The following HRH2 variants were observed in gnomAD, a reference collection of about 807,000 sequenced individuals.
HRH2 encodes the protein histamine receptor H2.
A neutral mutation model predicts 20.1 loss-of-function variants in HRH2; 4 were observed. The observed-to-expected ratio is 0.20, with a 90% CI of 0.10 to 0.45. The LOEUF is 0.45. HRH2 is among the 20% of genes least tolerant of loss of function. HRH2 has a pLI of 0.99. For missense variants in HRH2, 250 were observed against 461.6 expected (o/e 0.54, Z 4.20); for synonymous variants, 197 against 200.7 (o/e 0.98, Z 0.16).
Position 175,685,766 on chromosome 5 carries a change from T to C in HRH2, c.1076+1457T>C, listed in dbSNP as rs147393183. 1,640 of 523,292 alleles carry C rather than the reference T, an allele frequency of 3.1e-3. 26 individuals carry two copies. The highest frequency in any genetic ancestry group is 0.028 in the African/African-American group (1,473 of 52,082). 32.4% of individuals were successfully genotyped at this position (523,292 alleles called of 1,614,324 possible). On this transcript the variant is annotated intron_variant, in intron 2 of 2. Transcript: ENST00000636584. The stretch of plus-strand genomic sequence containing the variant: ...CATGAGCGAAGGGACATGAACATGC[T>C]CTGCCATCTCCCAATAGGACATAAG...
At chr5:175,663,226 G>A (rs1762788231) in intron 1 of HRH2, among the ~76,000 whole-genome samples, 2 of 152,126 alleles carry the variant, frequency 1.3e-5, no homozygotes, top group South Asian at 4.1e-4. Flanking sequence ...GCTTTGACTT[G>A]GCGCCTGTTT....
intron 1 of HRH2, among the ~76,000 whole-genome samples, chr5:175,665,705 TC>T (rs1762868334): frequency 6.6e-6 from 1 of 152,154 alleles, no homozygotes; most frequent in Non-Finnish European, 1.5e-5. Flanking sequence ...GAAGGCAGAT[TC>T]CCCCAAACAA....
chr5:175,698,145 G>A (rs1352201292), intron 2 of HRH2, among the ~76,000 whole-genome samples: 14 of 152,232 alleles, frequency 9.2e-5, no homozygotes, highest in South Asian at 2.1e-4. Context: ...GCACACGCTC[G>A]CTTACAGGCT....
At chr5:175,673,663 C>T (rs943950756) in intron 1 of HRH2, among the ~76,000 whole-genome samples, 2 of 150,966 alleles carry the variant, frequency 1.3e-5, no homozygotes, top group Admixed American at 1.3e-4. Flanking sequence ...CACTGTAACA[C>T]GGTGCATTGT....
Position 175,693,827 on chromosome 5 carries a change from T to A in HRH2, c.1076+9518T>A, listed in dbSNP as rs992285577. The stretch of plus-strand genomic sequence containing the variant: ...CGCTTTTGTTCCACCTGGTGTTCGT[T>A]CCTGAACAGGCTGCACATCTCTCCC... On this transcript the variant is annotated intron_variant, in intron 2 of 2. Coordinates refer to ENST00000636584, the MANE Select transcript of HRH2 (RefSeq NM_001367711.1). This position sits in a 1 kb window ranked among gnomAD's most constrained non-coding sequence, Gnocchi z 4.4. 2.0e-5 allele frequency among the ~76,000 whole-genome samples: 3 copies of A among 152,132 alleles called. No individual in the cohort carries two copies. Among genetic ancestry groups the A allele is most frequent in the Non-Finnish European group, 4.4e-5 (3 of 68,016 alleles).
chr5:175,681,539 T>C lies in HRH2; in HGVS notation c.-525-1170T>C, dbSNP rs1431216985. ...GGGCGTGGAACAGGGCCTCAGCTTG[T>C]TTCTCGCCAGTTGGAATCATATACA... is the stretch of plus-strand genomic sequence containing the variant. On this transcript the variant is annotated intron_variant, in intron 1 of 2. Coordinates refer to ENST00000636584, the MANE Select transcript of HRH2 (RefSeq NM_001367711.1). This position sits in a 1 kb window ranked among gnomAD's most constrained non-coding sequence, Gnocchi z 4.3. Among the ~76,000 whole-genome samples the C allele has an allele frequency of 6.6e-6, 1 of 152,160 alleles. No individual in the cohort carries two copies. Among genetic ancestry groups the C allele is most frequent in the Admixed American group, 6.5e-5 (1 of 15,280 alleles).
At chr5:175,692,890 T>C (rs1756434931) in intron 2 of HRH2, among the ~76,000 whole-genome samples, 1 of 152,128 alleles carries the variant, frequency 6.6e-6, no homozygotes, top group Admixed American at 6.5e-5. Context: ...TACTAATGAG[T>C]CGCTCAAAGT....
chr5:175,667,385 A>G (rs1762932680), intron 1 of HRH2, among the ~76,000 whole-genome samples: 1 of 152,102 alleles, frequency 6.6e-6, no homozygotes, highest in Non-Finnish European at 1.5e-5. Flanking sequence ...TGAAGGTTGC[A>G]GTGAGCCAAG....
chr5:175,703,607 T>C (rs1371035245), intron 2 of HRH2, among the ~76,000 whole-genome samples: 3 of 152,102 alleles, frequency 2.0e-5, no homozygotes, highest in African/African-American at 7.2e-5. Context: ...AAAGATTTAA[T>C]AATGAGAAGA....
chr5:175,701,469 G>A lies in HRH2; in HGVS notation c.1077-6310G>A, dbSNP rs552278289. ...TTTGTCTTTCTCCAACTTTCAACTC[G>A]GCTTCCCGCTCGGATTGCCGCTGTA... is the stretch of plus-strand genomic sequence containing the variant. On this transcript the variant is annotated intron_variant, in intron 2 of 2. Coordinates refer to ENST00000636584, the MANE Select transcript of HRH2 (RefSeq NM_001367711.1). Among the ~76,000 whole-genome samples, 5 of 152,220 alleles carry A rather than the reference G, an allele frequency of 3.3e-5. No individual in the cohort carries two copies. The South Asian group carries it at 6.2e-4, about 19-fold the overall frequency.
At chr5:175,685,027 G>T (rs1457766210) in intron 2 of HRH2, among the ~76,000 whole-genome samples, 1 of 152,132 alleles carries the variant, frequency 6.6e-6, no homozygotes, top group Non-Finnish European at 1.5e-5. Flanking sequence ...GGGGGTTGTG[G>T]CACTGACTCA....
chr5:175,672,218 C>A (rs559628372), intron 1 of HRH2, among the ~76,000 whole-genome samples: 1 of 152,312 alleles, frequency 6.6e-6, no homozygotes, highest in South Asian at 2.1e-4. Context: ...ATCCGGATTC[C>A]CAGCCCAGTG....
chr5:175,663,154 A>G (rs1010588641), intron 1 of HRH2, among the ~76,000 whole-genome samples: 7 of 152,170 alleles, frequency 4.6e-5, no homozygotes, highest in African/African-American at 1.4e-4. Flanking sequence ...GGGGAGACAT[A>G]TATTTTCATT....
At chr5:175,703,727 C>T (rs10079518) in intron 2 of HRH2, among the ~76,000 whole-genome samples, 30,207 of 151,954 alleles carry the variant, frequency 0.2, 5,355 homozygotes, top group African/African-American at 0.48. Flanking sequence ...GATATTAATA[C>T]AGATGTTGCA....
At chr5:175,703,713 G>A (rs1197819717) in intron 2 of HRH2, among the ~76,000 whole-genome samples, 1 of 151,972 alleles carries the variant, frequency 6.6e-6, no homozygotes, top group Non-Finnish European at 1.5e-5. Flanking sequence ...AATAATAAAG[G>A]GGAGATATTA....
rs569679056 is a variant in HRH2 at position 175,664,933 on chromosome 5, C to A, written c.-526+6778C>A. On this transcript the variant is annotated intron_variant, in intron 1 of 2. Coordinates refer to ENST00000636584, the MANE Select transcript of HRH2 (RefSeq NM_001367711.1). Reference sequence around the variant, plus strand: ...GATTACAGGCGTGAGCCACCGCACACGGCCCGCACAAAAGGATTTTCAGCT... The same window carrying A: ...GATTACAGGCGTGAGCCACCGCACAAGGCCCGCACAAAAGGATTTTCAGCT... Among the ~76,000 whole-genome samples, 13 of 152,342 alleles carry A rather than the reference C, an allele frequency of 8.5e-5. No individual in the cohort carries two copies. In the East Asian group the frequency reaches 1.7e-3, roughly 20 times the overall value.
chr5:175,692,401 G>A (rs558891146), intron 2 of HRH2, among the ~76,000 whole-genome samples: 7 of 152,352 alleles, frequency 4.6e-5, no homozygotes, highest in South Asian at 2.1e-4. Flanking sequence ...CAACCCTGGC[G>A]TGGGGGAAGA....
chr5:175,685,833 C>T (rs770047549), intron 2 of HRH2: 8 of 287,500 alleles, frequency 2.8e-5, no homozygotes, highest in Admixed American at 5.1e-5. Flanking sequence ...GAAAAGCTTG[C>T]GTGGATATTG....
At position 175,664,719 on chromosome 5, in the gene HRH2, C is replaced by T. The variant is rs535643644; in HGVS notation, c.-526+6564C>T. ...GCGAATTCACGGCTCACTGCAGCCT[C>T]GACCTGCTGGGCTCAAGCAGTCCTC... On this transcript the variant is annotated intron_variant, in intron 1 of 2. Coordinates refer to ENST00000636584, the MANE Select transcript of HRH2 (RefSeq NM_001367711.1). Among the ~76,000 whole-genome samples the T allele has an allele frequency of 5.3e-5, 8 of 152,244 alleles. No homozygotes were observed. The East Asian group carries it at 1.2e-3, about 22-fold the overall frequency.
Sources: allele counts gnomAD v4.1 joint callset (sites outside exome capture counted in the v4.1 genomes callset), GRCh38; gene constraint gnomAD v4.1.1; non-coding constraint Gnocchi (gnomAD v3.1); transcripts MANE v1.5; gene names NCBI Gene and HGNC (gene_info 2026-07-23, HGNC 2026-07-21).